GLMN: variants seen among roughly 807,000 people sequenced by gnomAD.
GLMN encodes glomulin, FKBP associated protein, also known as glomulin.
Under a neutral mutation model 87.8 loss-of-function variants are expected in GLMN, and 75 were observed. That is an observed-to-expected ratio of 0.85 (90% CI 0.71 to 1.04). The LOEUF (loss-of-function observed/expected upper bound fraction) is 1.04. GLMN is among the 50% of genes least tolerant of loss of function. GLMN has a pLI of 0.00. For synonymous variants in GLMN, 206 were observed against 221.6 expected, an observed-to-expected ratio of 0.93 and a Z score of 0.63; for missense variants, 588 against 658.8, an observed-to-expected ratio of 0.89 and a Z score of 1.18.
intron 7 of GLMN, among the ~76,000 whole-genome samples, chr1:92,285,016 G>T (rs1290741603): frequency 6.6e-6 from 1 of 152,128 alleles, no homozygotes; most frequent in Non-Finnish European, 1.5e-5. Context: ...ACTGTTGGTG[G>T]GAGTGTAAAT....
chr1:92,323,293 G>T, the GLMN span: 1 of 444,248 alleles, frequency 2.3e-6, no homozygotes. Flanking sequence ...TTATATATCA[G>T]AACCTAGAAA....
the GLMN span, among the ~76,000 whole-genome samples, chr1:92,359,905 G>A: frequency 1.3e-5 from 2 of 152,298 alleles, no homozygotes; most frequent in African/African-American, 4.8e-5. Context: ...AAGCAGAAAA[G>A]GGGAGGGAGG....
chr1:92,298,147 T>C (rs959544514), intron 1 of GLMN, 118 bp from the exon 2 acceptor site: 1 of 617,860 alleles, frequency 1.6e-6, no homozygotes, highest in African/African-American at 1.9e-5. Flanking sequence ...AAGTTTTTGT[T>C]GTTGTGTTTT....
At chr1:92,253,829 G>A (rs111554206) in intron 16 of GLMN, among the ~76,000 whole-genome samples, 1,833 of 152,298 alleles carry the variant, frequency 0.012, 38 homozygotes, top group African/African-American at 0.042. Flanking sequence ...AGCGGAAAAG[G>A]GCTGAAAATT....
chr1:92,252,100 T>C (rs1399538771), intron 16 of GLMN, among the ~76,000 whole-genome samples: 1 of 152,210 alleles, frequency 6.6e-6, no homozygotes, highest in Non-Finnish European at 1.5e-5. Context: ...AATCATTCAT[T>C]GGTACAAATA....
chr1:92,338,766 ATTT>A, the GLMN span, among the ~76,000 whole-genome samples: 5 of 148,488 alleles, frequency 3.4e-5, no homozygotes, highest in African/African-American at 1.2e-4. Context: ...AGCCTGGCTA[ATTT>A]TTTTTTTAAG....
chr1:92,263,801 G>C (rs1388502649), intron 14 of GLMN, 69 bp from the exon 15 acceptor site: 1 of 803,068 alleles, frequency 1.2e-6, no homozygotes, highest in African/African-American at 1.7e-5. Context: ...CTAATACCTT[G>C]ACACTACAAA....
the GLMN span, among the ~76,000 whole-genome samples, chr1:92,342,149 A>G: frequency 6.6e-6 from 1 of 152,180 alleles, no homozygotes; most frequent in African/African-American, 2.4e-5. Flanking sequence ...AGGGAAATCA[A>G]ATAGTACTAA....
chr1:92,333,412 A>G, the GLMN span: 1 of 1,613,530 alleles, frequency 6.2e-7, no homozygotes, highest in South Asian at 1.1e-5. Context: ...CTTTCCACTG[A>G]TAGACTCAAG....
intron 3 of GLMN, among the ~76,000 whole-genome samples, chr1:92,294,609 G>T (rs7534390): frequency 1 from 152,004 of 152,298 alleles, 75,859 homozygotes; most frequent in Non-Finnish European, 1. Context: ...AGTCTTATAG[G>T]TGAAGATAAT....
At chr1:92,336,770 G>A in the GLMN span, among the ~76,000 whole-genome samples, 40 of 152,068 alleles carry the variant, frequency 2.6e-4, no homozygotes, top group South Asian at 1.9e-3. Flanking sequence ...CAGGCACTAT[G>A]GGTAATGTAA....
the GLMN span, among the ~76,000 whole-genome samples, chr1:92,308,250 C>T: frequency 1.3e-5 from 2 of 152,272 alleles, no homozygotes; most frequent in African/African-American, 2.4e-5. Flanking sequence ...CACTGTGTGG[C>T]CCTTGATAAT....
At chr1:92,266,923 T>A (rs2100896656) in intron 11 of GLMN, among the ~76,000 whole-genome samples, 182 bp from the exon 12 acceptor site, 1 of 152,342 alleles carries the variant, frequency 6.6e-6, no homozygotes, top group East Asian at 1.9e-4. Flanking sequence ...ATTGATTTTT[T>A]AAGTGATATT....
intron 7 of GLMN, among the ~76,000 whole-genome samples, chr1:92,283,008 C>T (rs1238959787): frequency 6.6e-6 from 1 of 152,100 alleles, no homozygotes; most frequent in Non-Finnish European, 1.5e-5. Context: ...CAAAAAAAGT[C>T]GAGGACCAGA....
the GLMN span, among the ~76,000 whole-genome samples, chr1:92,343,874 T>G: frequency 1.3e-5 from 2 of 152,184 alleles, no homozygotes; most frequent in Admixed American, 6.5e-5. Context: ...TAGGCCTTAT[T>G]GCAAAGATGA....
intron 9 of GLMN, among the ~76,000 whole-genome samples, chr1:92,268,681 T>TA (rs1228397488): frequency 6.6e-6 from 1 of 152,216 alleles, no homozygotes; most frequent in African/African-American, 2.4e-5. Flanking sequence ...AATTCCTGCC[T>TA]TGTATGCTGA....
chr1:92,355,063 T>A, the GLMN span, among the ~76,000 whole-genome samples: 1 of 151,988 alleles, frequency 6.6e-6, no homozygotes, highest in Non-Finnish European at 1.5e-5. Context: ...CATACCCAGC[T>A]AATTATTATT....
Position 92,264,550 on chromosome 1 carries a change from T to C in GLMN, c.1299+4A>G. The C allele has an allele frequency of 7.1e-7, 1 of 1,416,336 alleles. No individual in the cohort carries two copies. The highest frequency in any genetic ancestry group is 1.0e-6 in the Non-Finnish European group (1 of 999,736). 87.7% of individuals were successfully genotyped at this position (1,416,336 alleles called of 1,614,324 possible). ...GGTAATTGACACTTTGGCTATGTTC[T>C]TACCTTTAATGACATGTCAATTTGA... On this transcript the variant is annotated splice_donor_region_variant and intron_variant, in intron 14 of 18. Transcript: ENST00000370360.
chr1:92,304,186 T>C, the GLMN span: 5 of 1,107,412 alleles, frequency 4.5e-6, no homozygotes, highest in African/African-American at 6.3e-5. Context: ...AAGGCATGGA[T>C]TGGCCAATGA....
Sources: gnomAD v4.1 joint callset for allele counts (sites outside exome capture counted in the v4.1 genomes callset) on GRCh38, gnomAD v4.1.1 for gene constraint, MANE v1.5 for transcripts, NCBI Gene and HGNC (gene_info 2026-07-23, HGNC 2026-07-21) for gene names.